ADCY7: variants seen among roughly 807,000 people sequenced by gnomAD.
ADCY7 encodes adenylate cyclase type 7.
ADCY7 carries 72 observed loss-of-function variants against 120.6 expected under a neutral mutation model. That is an observed-to-expected ratio of 0.60 (90% CI 0.49 to 0.73). ADCY7 has a LOEUF of 0.73. Ranked by LOEUF, ADCY7 falls within the 30% of genes least tolerant of loss-of-function variation. ADCY7 has a pLI of 0.00. For missense variants in ADCY7, 1,227 were observed against 1,486.0 expected, an observed-to-expected ratio of 0.83 and a Z score of 2.87; for synonymous variants, 661 against 628.0, an observed-to-expected ratio of 1.05 and a Z score of -0.78.
At chr16:50,246,715 T>G (rs2032599878) in intron 1 of ADCY7, among the ~76,000 whole-genome samples, 2 of 151,920 alleles carry the variant, frequency 1.3e-5, no homozygotes, top group East Asian at 3.9e-4. Flanking sequence ...GGGACCAGGG[T>G]CCAGGGGAGA....
chr16:50,299,004 T>C lies in ADCY7; in HGVS notation c.1049T>C (p.Met350Thr). 1 of 1,612,524 alleles carries C rather than the reference T, an allele frequency of 6.2e-7. No homozygotes were observed. Among genetic ancestry groups the C allele is most frequent in the Non-Finnish European group, 8.5e-7 (1 of 1,179,974 alleles). The change falls in exon 8 of 26, where the codon ATG (methionine) becomes ACG (threonine). Residue 350 changes from methionine to threonine, a missense_variant. This residue lies in a region of ADCY7 where 332 missense variants were observed against 455.8 expected (regional missense o/e 0.73). Coordinates refer to ENST00000673801, the MANE Select transcript of ADCY7 (RefSeq NM_001114.5). Reference protein sequence around the residue: ...LPTHARNCVKMGLDMCQAIKQ... With the variant: ...LPTHARNCVKTGLDMCQAIKQ... ...ACCCACGCCCGGAACTGCGTGAAGA[T>C]GGGGCTGGACATGTGCCAGGCCATC...
chr16:50,295,218 A>G (rs11859417), intron 7 of ADCY7, among the ~76,000 whole-genome samples: 33,107 of 151,998 alleles, frequency 0.22, 3,837 homozygotes, highest in Non-Finnish European at 0.26. Flanking sequence ...TCATTCTGTC[A>G]TGAAGGCTGG....
At chr16:50,292,628 G>T (rs370769719) in intron 4 of ADCY7, 48 bp from the exon 5 acceptor site, 4 of 1,600,030 alleles carry the variant, frequency 2.5e-6, no homozygotes, top group South Asian at 1.1e-5. Context: ...TGCCTCGGGA[G>T]GGCATGGGCC....
chr16:50,301,262 A>T, intron 10 of ADCY7, 48 bp downstream of exon 10: 1 of 1,544,300 alleles, frequency 6.5e-7, no homozygotes, highest in South Asian at 1.2e-5. Context: ...GAGGGACTGG[A>T]GGGGCCCTGG....
chr16:50,292,583 A>G, intron 4 of ADCY7, 93 bp from the exon 5 acceptor site: 1 of 1,477,738 alleles, frequency 6.8e-7, no homozygotes, highest in Non-Finnish European at 9.2e-7. Flanking sequence ...AGGGAATGGG[A>G]AGAGGTGCCA....
At chr16:50,302,338 G>A (rs1318858227) in intron 10 of ADCY7, among the ~76,000 whole-genome samples, 3 of 152,008 alleles carry the variant, frequency 2.0e-5, no homozygotes, top group Admixed American at 6.5e-5. Context: ...ATGGATGCCC[G>A]GCTCGAAGCT....
At chr16:50,302,044 C>G (rs2035757374) in intron 10 of ADCY7, 1 of 152,910 alleles carries the variant, frequency 6.5e-6, no homozygotes, top group East Asian at 1.9e-4. Flanking sequence ...TCCCATTCCA[C>G]CACCCTCCTA....
intron 1 of ADCY7, among the ~76,000 whole-genome samples, chr16:50,248,115 A>G (rs2150771081): frequency 6.6e-6 from 1 of 152,252 alleles, no homozygotes; most frequent in East Asian, 1.9e-4. Context: ...TTCTTGGTGG[A>G]GCTGGTTTGG....
chr16:50,256,145 A>G (rs893403293), intron 1 of ADCY7, among the ~76,000 whole-genome samples: 2 of 152,188 alleles, frequency 1.3e-5, no homozygotes, highest in Non-Finnish European at 2.9e-5. Context: ...GAGACAACCG[A>G]TAGACTGGGA....
intron 1 of ADCY7, among the ~76,000 whole-genome samples, chr16:50,253,370 C>T (rs2032815890): frequency 6.6e-6 from 1 of 152,212 alleles, no homozygotes. Context: ...CCTGTCTCAG[C>T]TTCCTGAGTA....
intron 12 of ADCY7, among the ~76,000 whole-genome samples, chr16:50,305,185 G>T (rs2035978823): frequency 6.6e-6 from 1 of 152,256 alleles, no homozygotes; most frequent in Non-Finnish European, 1.5e-5. Context: ...GCCCTGGCGG[G>T]GTCAGTGGAG....
At chr16:50,309,461 C>T (rs1385284087) in intron 17 of ADCY7, 87 bp from the exon 18 acceptor site, 4 of 1,095,634 alleles carry the variant, frequency 3.7e-6, no homozygotes, top group African/African-American at 3.1e-5. Flanking sequence ...CTGTGATACT[C>T]ATGGTTGCCT....
In ADCY7 at chr16:50,289,954, C is replaced by T. The variant is rs566088258; in HGVS notation, c.172-503C>T. Among the ~76,000 whole-genome samples the T allele has an allele frequency of 2.4e-3, 361 of 152,366 alleles. 1 individual carries two copies. The highest frequency in any genetic ancestry group is 8.2e-3 in the African/African-American group (343 of 41,580). ...CCCCCAGATCAGGCCTCTGCCCCCACGGACCTCCCGGATGCTGTGCCCGTC... is the reference window on the plus strand; with the variant it reads ...CCCCCAGATCAGGCCTCTGCCCCCATGGACCTCCCGGATGCTGTGCCCGTC... On this transcript the variant is annotated intron_variant, in intron 2 of 25. Coordinates refer to ENST00000673801, the MANE Select transcript of ADCY7 (RefSeq NM_001114.5).
chr16:50,257,107 C>A lies in ADCY7; in HGVS notation c.-64+10904C>A, dbSNP rs370135791. ...GAATCCAAGAAATCTAGGCTGTGTG[C>A]GGTGGCTCATGCCTGTCATCTCAGC... is the stretch of plus-strand genomic sequence containing the variant. On this transcript the variant is annotated intron_variant, in intron 1 of 4. Transcript: ENST00000564044. 3.3e-5 allele frequency among the ~76,000 whole-genome samples: 5 copies of A among 152,002 alleles called. No individual in the cohort carries two copies. The East Asian group carries it at 7.7e-4, about 23-fold the overall frequency.
chr16:50,261,312 G>A (rs890282526), intron 1 of ADCY7, among the ~76,000 whole-genome samples: 5 of 152,198 alleles, frequency 3.3e-5, no homozygotes, highest in African/African-American at 7.2e-5. Flanking sequence ...AGTACCTGGC[G>A]GGATGGGTAG....
chr16:50,257,195 T>C (rs1468207214), intron 1 of ADCY7, among the ~76,000 whole-genome samples: 4 of 151,780 alleles, frequency 2.6e-5, no homozygotes, highest in African/African-American at 9.7e-5. Flanking sequence ...ATGGGCAACA[T>C]AGCACCCCAC....
chr16:50,251,621 C>A lies in ADCY7; in HGVS notation c.-64+5418C>A, dbSNP rs186179143. Among the ~76,000 whole-genome samples, 174 of 152,346 alleles carry A rather than the reference C, an allele frequency of 1.1e-3. 1 individual carries two copies. The South Asian group carries it at 0.016, about 14-fold the overall frequency. ...TACATAAAGCCTAGATTTCTAGTTTCTTTTGCCAACTTAGAAGGCCTGTAC... is the reference window on the plus strand; with the variant it reads ...TACATAAAGCCTAGATTTCTAGTTTATTTTGCCAACTTAGAAGGCCTGTAC... On this transcript the variant is annotated intron_variant, in intron 1 of 4. Transcript: ENST00000564044.
At chr16:50,253,575 C>T (rs773271837) in intron 1 of ADCY7, among the ~76,000 whole-genome samples, 12 of 152,162 alleles carry the variant, frequency 7.9e-5, no homozygotes, top group Admixed American at 1.3e-4. Flanking sequence ...CGTTTCTTAC[C>T]TTTGTGGTGC....
chr16:50,311,558 T>G, intron 19 of ADCY7, 135 bp from the exon 20 acceptor site: 12 of 586,512 alleles, frequency 2.0e-5, no homozygotes, highest in East Asian at 1.0e-4. Context: ...TACCCCAAAG[T>G]TGTCTTGTTT....
Sources: gnomAD v4.1 joint callset for allele counts (sites outside exome capture counted in the v4.1 genomes callset) on GRCh38, gnomAD v4.1.1 for gene constraint, gnomAD v4.1.1 regional missense constraint, MANE v1.5 for transcripts, NCBI Gene and HGNC (gene_info 2026-07-23, HGNC 2026-07-21) for gene names.